Variants in NUDT1 observed in about 807,000 individuals in gnomAD.
The protein encoded by NUDT1 is oxidized purine nucleoside triphosphate hydrolase.
NUDT1 carries 16 observed loss-of-function variants against 11.3 expected under a neutral mutation model. The ratio of observed to expected loss-of-function variants is 1.41; its 90% CI spans 0.96 to 2.15. The LOEUF is 2.15. NUDT1 is among the 30% of genes most tolerant of loss of function. NUDT1 has a pLI of 0.00. For missense variants in NUDT1, 234 were observed against 208.4 expected (o/e 1.12, Z -0.76); for synonymous variants, 101 against 84.4 (o/e 1.20, Z -1.08).
rs773026608 is a variant in NUDT1, at chr7:2,249,872, G to A, written c.168G>A (p.Glu56=). 2.5e-6 allele frequency: 4 copies of A among 1,613,826 alleles called. No individual in the cohort carries two copies. Among genetic ancestry groups the A allele is most frequent in the South Asian group, 1.1e-5 (1 of 91,086 alleles). The change falls in exon 3 of 4, where the codon GAG becomes GAA. Residue 56 remains glutamate, a synonymous_variant. Coordinates refer to ENST00000356714, the MANE Select transcript of NUDT1 (RefSeq NM_002452.4). Reference sequence around the variant, plus strand: ...CTGCCCGCAGGGAGCTGCAGGAGGAGAGCGGTCTGACAGTGGACGCCCTGC... The same window carrying A: ...CTGCCCGCAGGGAGCTGCAGGAGGAAAGCGGTCTGACAGTGGACGCCCTGC... ...EDGARRELQE[E]SGLTVDALHK...
chr7:2,245,181 A>G (rs1414524576), intron 2 of NUDT1, among the ~76,000 whole-genome samples: 2 of 152,158 alleles, frequency 1.3e-5, no homozygotes, highest in East Asian at 3.9e-4. Context: ...CATCCTCAAC[A>G]CAGCCAGCTT....
At chr7:2,248,784 T>G (rs1794867552) in intron 2 of NUDT1, among the ~76,000 whole-genome samples, 1 of 152,098 alleles carries the variant, frequency 6.6e-6, no homozygotes, top group Admixed American at 6.5e-5. Flanking sequence ...ACTCCGGAGC[T>G]CAAGCAATCA....
intron 2 of NUDT1, among the ~76,000 whole-genome samples, chr7:2,246,268 C>T (rs1794764294): frequency 6.6e-6 from 1 of 152,210 alleles, no homozygotes; most frequent in Non-Finnish European, 1.5e-5. Context: ...GCTCTCGTGT[C>T]ATCTGGCTGC....
At position 2,250,985 on chromosome 7, in the gene NUDT1, A is replaced by T. The variant is rs1437868926; in HGVS notation, c.455A>T (p.Glu152Val). The T allele has an allele frequency of 6.2e-6, 10 of 1,613,904 alleles. No homozygotes were observed. The highest frequency in any genetic ancestry group is 8.5e-6 in the Non-Finnish European group (10 of 1,179,936). ...QDTILDYTLR[E>V]VDTV ...ACCATCCTGGACTACACACTCCGCG[A>T]GGTGGACACGGTCTAGCGGGAGCCC... The change falls in exon 4 of 4, where the codon GAG becomes GTG. Residue 152 changes from glutamate (E) to valine (V), a missense_variant. Physicochemically the swap from Glu to Val is moderately radical, Grantham distance 121. Transcript: ENST00000356714.
chr7:2,242,266 G>A lies in NUDT1; in HGVS notation c.-13+10G>A. 1 of 1,254,506 alleles carries A rather than the reference G, an allele frequency of 8.0e-7. No homozygotes were observed. The highest frequency in any genetic ancestry group is 1.1e-6 in the Non-Finnish European group (1 of 933,368). 77.7% of individuals were successfully genotyped at this position (1,254,506 alleles called of 1,614,324 possible). The stretch of plus-strand genomic sequence containing the variant: ...GGAAGCGGCGGTGCAGGTACGAAAA[G>A]CGCGCGCGGGGATTCCAGGAGTCGT... On this transcript the variant is annotated intron_variant, in intron 1 of 3. Transcript: ENST00000356714.
intron 1 of NUDT1, chr7:2,242,730 G>A: frequency 2.1e-6 from 1 of 467,394 alleles, no homozygotes; most frequent in Non-Finnish European, 3.8e-6. Flanking sequence ...AGCCTCTAGG[G>A]GAACATACAG....
At position 2,244,547 on chromosome 7, in the gene NUDT1, C is replaced by A; in HGVS notation, c.-12-16C>A. Reference sequence around the variant, plus strand: ...CGCACGTCATGGCTGACTCTGCCCTCTCACCTTCCTTTCAGAACCCAGGGA... The same window carrying A: ...CGCACGTCATGGCTGACTCTGCCCTATCACCTTCCTTTCAGAACCCAGGGA... On this transcript the variant is annotated splice_polypyrimidine_tract_variant and intron_variant, in intron 1 of 3. Coordinates refer to ENST00000356714, the MANE Select transcript of NUDT1 (RefSeq NM_002452.4). The A allele has an allele frequency of 6.5e-7, 1 of 1,535,574 alleles. No individual in the cohort carries two copies.
intron 1 of NUDT1, chr7:2,242,563 C>G: frequency 2.9e-6 from 1 of 350,006 alleles, no homozygotes; most frequent in Non-Finnish European, 5.2e-6. Context: ...ACAAAGTACA[C>G]GGGCCTGGTG....
chr7:2,245,885 A>G (rs920493587), intron 2 of NUDT1, among the ~76,000 whole-genome samples: 2 of 151,030 alleles, frequency 1.3e-5, no homozygotes, highest in African/African-American at 4.9e-5. Flanking sequence ...CCCGGGGTAC[A>G]TGGGTCCCAA....
Position 2,251,042 on chromosome 7 carries a change from T to C in NUDT1, c.*41T>C, listed in dbSNP as rs1795004321. 3.7e-6 allele frequency: 6 copies of C among 1,606,540 alleles called. No homozygotes were observed. The highest frequency in any genetic ancestry group is 5.1e-6 in the Non-Finnish European group (6 of 1,174,676). Reference sequence around the variant, plus strand: ...GCCCCTGGGCAGGAGACGTGGCTGCTGAACAGCCGCAAACCATCTTCACCT... The same window carrying C: ...GCCCCTGGGCAGGAGACGTGGCTGCCGAACAGCCGCAAACCATCTTCACCT... On this transcript the variant is annotated 3_prime_UTR_variant, in exon 4 of 4. Transcript: ENST00000356714.
At chr7:2,242,879 G>C (rs376937324) in intron 1 of NUDT1, 2 of 697,544 alleles carry the variant, frequency 2.9e-6, no homozygotes, top group African/African-American at 1.8e-5. Context: ...TCAGCTGTTA[G>C]ACTCCCTGCC....
chr7:2,249,416 T>A (rs1453728526), intron 2 of NUDT1: 1 of 242,884 alleles, frequency 4.1e-6, no homozygotes, highest in African/African-American at 2.3e-5. Context: ...CGGTCGTAAC[T>A]ACCGCTGCAT....
At chr7:2,246,787 C>A (rs933628909) in intron 2 of NUDT1, among the ~76,000 whole-genome samples, 1 of 152,128 alleles carries the variant, frequency 6.6e-6, no homozygotes, top group Non-Finnish European at 1.5e-5. Flanking sequence ...CTTCCATCCT[C>A]GGGTGTAACC....
rs1485939392 is a variant in NUDT1, at chr7:2,249,906, G to A, written c.202G>A (p.Gly68Ser). 2.5e-6 allele frequency: 4 copies of A among 1,614,062 alleles called. No individual in the cohort carries two copies. The highest frequency in any genetic ancestry group is 3.4e-6 in the Non-Finnish European group (4 of 1,180,036). ...GLTVDALHKV[G>S]QIVFEFVGEP... ...GACAGTGGACGCCCTGCACAAGGTGGGCCAGATCGTGTTTGAGTTCGTGGG... is the reference window on the plus strand; with the variant it reads ...GACAGTGGACGCCCTGCACAAGGTGAGCCAGATCGTGTTTGAGTTCGTGGG... The change falls in exon 3 of 4, where the codon GGC becomes AGC. Residue 68 changes from glycine (G) to serine (S), a missense_variant. Gly to Ser is a moderately conservative substitution (Grantham distance 56, BLOSUM62 0). Transcript: ENST00000356714.
In NUDT1 at chr7:2,250,128, C is replaced by G. The variant is rs1002018220; in HGVS notation, c.298+126C>G. Reference sequence around the variant, plus strand: ...CGGGCAGCCTGCGTCCCCCTCCACCCCACAGTGCCAGCGTGGGGCCCATGA... The same window carrying G: ...CGGGCAGCCTGCGTCCCCCTCCACCGCACAGTGCCAGCGTGGGGCCCATGA... On this transcript the variant is annotated intron_variant, in intron 3 of 3. Coordinates refer to ENST00000356714, the MANE Select transcript of NUDT1 (RefSeq NM_002452.4). 59 of 1,254,290 alleles carry G rather than the reference C, an allele frequency of 4.7e-5. No homozygotes were observed. In the African/African-American group the frequency reaches 6.7e-4, roughly 14 times the overall value. The allele number at this position is 1,254,290 out of a possible 1,614,324, so 77.7% of individuals were successfully genotyped here.
intron 2 of NUDT1, among the ~76,000 whole-genome samples, chr7:2,245,788 C>T (rs549149409): frequency 9.9e-5 from 15 of 151,942 alleles, no homozygotes; most frequent in African/African-American, 1.7e-4. Context: ...TCCTCCCTCC[C>T]GGGCCTCCCA....
At chr7:2,249,689 C>G (rs2115064901) in intron 2 of NUDT1, 168 bp from the exon 3 acceptor site, 1 of 773,150 alleles carries the variant, frequency 1.3e-6, no homozygotes, top group Non-Finnish European at 2.1e-6. Context: ...TGAAGCTCAG[C>G]CAGGTCGGGA....
intron 1 of NUDT1, chr7:2,244,350 C>T: frequency 4.0e-6 from 2 of 501,522 alleles, no homozygotes; most frequent in Non-Finnish European, 7.0e-6. Context: ...GCCCTGCTGA[C>T]CACTGGGTTC....
intron 2 of NUDT1, 72 bp downstream of exon 2, chr7:2,244,798 C>T: frequency 6.5e-7 from 1 of 1,538,196 alleles, no homozygotes; most frequent in South Asian, 1.2e-5. Context: ...TAGGGCCACA[C>T]CCTTGGTTTC....
Sources: gnomAD v4.1 joint callset for allele counts (sites outside exome capture counted in the v4.1 genomes callset) on GRCh38, gnomAD v4.1.1 for gene constraint, MANE v1.5 for transcripts, NCBI Gene and HGNC (gene_info 2026-07-23, HGNC 2026-07-21) for gene names.